The following ZNF565 variants were observed in gnomAD, a reference collection of about 807,000 sequenced individuals.
The protein encoded by ZNF565 is zinc finger protein 565.
Under a neutral mutation model 39.4 loss-of-function variants are expected in ZNF565, and 27 were observed. The observed-to-expected ratio is 0.69, with a 90% CI of 0.51 to 0.95. The LOEUF is 0.95. Ranked by LOEUF, ZNF565 falls within the 40% of genes least tolerant of loss-of-function variation. ZNF565 has a pLI of 0.00. For synonymous variants in ZNF565, 185 were observed against 216.6 expected (o/e 0.85, Z 1.28); for missense variants, 524 against 621.1 (o/e 0.84, Z 1.66).
At position 36,182,716 on chromosome 19, in the gene ZNF565, T is replaced by C; in HGVS notation, c.1250A>G (p.Lys417Arg). ...CCCACATTCCTTACATTCGTAGGGTTTGTCACCTGTATGAATTCTTTGATG... is the reference window on the plus strand; with the variant it reads ...CCCACATTCCTTACATTCGTAGGGTCTGTCACCTGTATGAATTCTTTGATG... ...IQHQRIHTGD[K>R]PYECKECGKA... Residue 417 changes from lysine (K) to arginine (R), a missense_variant, in exon 5 of 5, where the codon AAA becomes AGA. Transcript: ENST00000304116. The C allele has an allele frequency of 1.2e-6, 2 of 1,614,192 alleles. No individual in the cohort carries two copies. Among genetic ancestry groups the C allele is most frequent in the Non-Finnish European group, 8.5e-7 (1 of 1,180,040 alleles).
chr19:36,240,815 A>T (rs1165116089), intron 1 of ZNF565, among the ~76,000 whole-genome samples: 1 of 151,802 alleles, frequency 6.6e-6, no homozygotes, highest in African/African-American at 2.4e-5. Flanking sequence ...GTTTGCAGTG[A>T]GCCAGGATCG....
At chr19:36,234,361 CAAA>C (rs374641166) in intron 1 of ZNF565, among the ~76,000 whole-genome samples, 1 of 150,428 alleles carries the variant, frequency 6.6e-6, no homozygotes, top group Admixed American at 6.6e-5. Context: ...AAGACTGTCT[CAAA>C]AAAAAAGGGA....
intron 1 of ZNF565, among the ~76,000 whole-genome samples, chr19:36,204,957 C>CAGG (rs574813891): frequency 6.7e-4 from 102 of 152,178 alleles, no homozygotes; most frequent in African/African-American, 1.9e-3. Flanking sequence ...CACTCCACTC[C>CAGG]AGCCTGGGCC....
upstream of ZNF565, among the ~76,000 whole-genome samples, chr19:36,215,804 A>C (rs1169245991): frequency 6.6e-6 from 1 of 152,154 alleles, no homozygotes; most frequent in Non-Finnish European, 1.5e-5. Context: ...ACGCTTTGAG[A>C]AGCAATCCCA....
At chr19:36,244,024 C>CT (rs1977839969) in intron 1 of ZNF565, among the ~76,000 whole-genome samples, 1 of 152,102 alleles carries the variant, frequency 6.6e-6, no homozygotes, top group Admixed American at 6.5e-5. Flanking sequence ...TGTTTTTCTT[C>CT]TTTTCTCTAC....
rs74791238 is a variant in ZNF565 at position 36,210,981 on chromosome 19, CA to C, written c.-66+3640del. The stretch of plus-strand genomic sequence containing the variant: ...TCGACTTGAAGGGGCTCCCAGTGGC[CA>C]AATGTGTGATAATTTGAGCAAAAAA... On this transcript the variant is annotated intron_variant, in intron 1 of 4. Coordinates refer to ENST00000304116, the MANE Select transcript of ZNF565 (RefSeq NM_152477.5). Among the ~76,000 whole-genome samples the C allele has an allele frequency of 3.5e-3, 505 of 144,150 alleles. 22 individuals are homozygous for C. In the East Asian group the frequency reaches 0.083, roughly 24 times the overall value. The allele number at this position is 144,150 out of a possible 152,430, so 94.6% of individuals were successfully genotyped here.
intron 1 of ZNF565, among the ~76,000 whole-genome samples, chr19:36,205,957 G>GTTTTTTTTTTTTTTTTTTTTTTT (rs57253970): frequency 7.0e-6 from 1 of 143,348 alleles, no homozygotes; most frequent in Non-Finnish European, 1.5e-5. Flanking sequence ...CTCACATTCT[G>GTTTTTTTTTTTTTTTTTTTTTTT]TTTTTTTTTT....
chr19:36,202,393 AC>A (rs1296652209), intron 1 of ZNF565, among the ~76,000 whole-genome samples: 4 of 18,080 alleles, frequency 2.2e-4, no homozygotes, highest in Non-Finnish European at 1.1e-3. Flanking sequence ...AAACAAAACA[AC>A]AACAACAACA....
chr19:36,197,720 A>C (rs1206736584), intron 2 of ZNF565, among the ~76,000 whole-genome samples: 1 of 152,122 alleles, frequency 6.6e-6, no homozygotes, highest in African/African-American at 2.4e-5. Flanking sequence ...ACAGAAGGGA[A>C]CCCTTGTACA....
At chr19:36,229,081 T>G (rs1164011517) in intron 1 of ZNF565, among the ~76,000 whole-genome samples, 1 of 152,236 alleles carries the variant, frequency 6.6e-6, no homozygotes, top group African/African-American at 2.4e-5. Flanking sequence ...GCCACTGTGG[T>G]GGCTGTTCTC....
At position 36,188,212 on chromosome 19, in the gene ZNF565, T is replaced by C. The variant is rs188037217; in HGVS notation, c.233-4479A>G. ...CTACTAAAAATACAAAAAATTAGCC[T>C]GGCATGGTGTTGTGCACCTGTAGTC... On this transcript the variant is annotated intron_variant, in intron 4 of 4. Transcript: ENST00000304116. Among the ~76,000 whole-genome samples the C allele has an allele frequency of 3.6e-3, 532 of 149,516 alleles. 1 individual carries two copies. The highest frequency in any genetic ancestry group is 0.012 in the African/African-American group (504 of 40,688).
At chr19:36,233,085 C>T (rs1198958562) in intron 1 of ZNF565, among the ~76,000 whole-genome samples, 24 of 152,036 alleles carry the variant, frequency 1.6e-4, no homozygotes. Flanking sequence ...TATTTTCTAC[C>T]AAGAAAAGCA....
upstream of ZNF565, chr19:36,214,870 C>T (rs1976527857): frequency 6.6e-6 from 1 of 152,518 alleles, no homozygotes. Flanking sequence ...AGTCATCTGA[C>T]GCTAAAGGAC....
chr19:36,218,493 A>C (rs1238921494), upstream of ZNF565, among the ~76,000 whole-genome samples: 2 of 150,518 alleles, frequency 1.3e-5, no homozygotes, highest in Non-Finnish European at 1.5e-5. Flanking sequence ...TTTTTGATGG[A>C]GTCTCACTGT....
chr19:36,198,958 T>C lies in ZNF565; in HGVS notation c.9+3019A>G, dbSNP rs184436213. Among the ~76,000 whole-genome samples, 94 of 152,270 alleles carry C rather than the reference T, an allele frequency of 6.2e-4. 1 individual carries two copies. The East Asian group carries it at 0.018, about 29-fold the overall frequency. On this transcript the variant is annotated intron_variant, in intron 2 of 4. Coordinates refer to ENST00000304116, the MANE Select transcript of ZNF565 (RefSeq NM_152477.5). ...GATTGTTTATAACTCAAAGGATAAA[T>C]GCTTGAGGGGTTGGATACCCCATTC...
intron 1 of ZNF565, among the ~76,000 whole-genome samples, chr19:36,235,017 T>A (rs1436236826): frequency 6.6e-6 from 1 of 152,090 alleles, no homozygotes; most frequent in Non-Finnish European, 1.5e-5. Context: ...GAGGAAGCAC[T>A]TGTTGGTTGA....
At chr19:36,191,673 C>A (rs532655064) in intron 4 of ZNF565, among the ~76,000 whole-genome samples, 5 of 152,152 alleles carry the variant, frequency 3.3e-5, no homozygotes, top group African/African-American at 1.2e-4. Flanking sequence ...TAAATACCCA[C>A]GAACTCATCG....
At chr19:36,185,119 G>GAAA (rs1014153562) in intron 4 of ZNF565, among the ~76,000 whole-genome samples, 1 of 132,196 alleles carries the variant, frequency 7.6e-6, no homozygotes, top group African/African-American at 2.8e-5. Context: ...GTCCATCTCA[G>GAAA]AAAAAAAAAA....
chr19:36,193,076 AGCTCT>A (rs1319747849), intron 4 of ZNF565, among the ~76,000 whole-genome samples: 1 of 151,984 alleles, frequency 6.6e-6, no homozygotes, highest in Non-Finnish European at 1.5e-5. Context: ...GCTCACTGCA[AGCTCT>A]GCCTCCTGGG....
Sources: gnomAD v4.1 joint callset for allele counts (sites outside exome capture counted in the v4.1 genomes callset) on GRCh38, gnomAD v4.1.1 for gene constraint, MANE v1.5 for transcripts, NCBI Gene and HGNC (gene_info 2026-07-23, HGNC 2026-07-21) for gene names.